Variants in ZNF41 observed in about 807,000 individuals in gnomAD.
The protein encoded by ZNF41 is zinc finger protein 41.
Under a neutral mutation model 9.3 loss-of-function variants are expected in ZNF41, and 6 were observed. The ratio of observed to expected loss-of-function variants is 0.65; its 90% CI spans 0.35 to 1.28. ZNF41 has a LOEUF of 1.28. ZNF41 is among the 50% of genes most tolerant of loss of function. The probability of loss-of-function intolerance (pLI) is 0.03; values close to 1 mark genes in which losing one functional copy is unlikely to be tolerated. For synonymous variants in ZNF41, 192 were observed against 207.1 expected, an observed-to-expected ratio of 0.93 and a Z score of 0.63; for missense variants, 523 against 585.8, an observed-to-expected ratio of 0.89 and a Z score of 1.11.
intron 4 of ZNF41, among the ~76,000 whole-genome samples, chrX:47,455,656 A>G (rs892517459): frequency 1.8e-5 from 2 of 112,014 alleles, no homozygotes; most frequent in African/African-American, 6.5e-5. Context: ...TAGATAAGAC[A>G]GGGTGGTATG....
chrX:47,455,215 A>G (rs965671668), intron 4 of ZNF41, among the ~76,000 whole-genome samples: 3 of 109,118 alleles, frequency 2.7e-5, no homozygotes, highest in Admixed American at 9.9e-5. Flanking sequence ...ATTGCACTCC[A>G]GCCTGGGCAA....
chrX:47,452,115 C>T (rs1296129397), intron 4 of ZNF41, among the ~76,000 whole-genome samples: 1 of 111,095 alleles, frequency 9.0e-6, no homozygotes, highest in African/African-American at 3.3e-5. Flanking sequence ...CCAGCAGGGG[C>T]AGGCTGTCTA....
intron 1 of ZNF41, among the ~76,000 whole-genome samples, chrX:47,478,876 G>A (rs1426342738): frequency 1.8e-5 from 2 of 110,918 alleles, no homozygotes; most frequent in Non-Finnish European, 3.8e-5. Flanking sequence ...GGCAGCTGCA[G>A]TGAACTGAGA....
chrX:47,481,167 C>T (rs187551245), intron 1 of ZNF41, among the ~76,000 whole-genome samples: 6 of 111,914 alleles, frequency 5.4e-5, no homozygotes, highest in East Asian at 2.8e-4. Context: ...CAGATGCTCA[C>T]GCCTGTAGTT....
intron 2 of ZNF41, among the ~76,000 whole-genome samples, chrX:47,462,610 C>G (rs1224912503): frequency 9.0e-6 from 1 of 111,163 alleles, no homozygotes; most frequent in Non-Finnish European, 1.9e-5. Context: ...TCCCTAAGGG[C>G]CTTTCTTGTT....
At chrX:47,462,890 G>A (rs984348335) in intron 2 of ZNF41, among the ~76,000 whole-genome samples, 1 of 101,101 alleles carries the variant, frequency 9.9e-6, no homozygotes, top group African/African-American at 3.7e-5. Context: ...CACCCTACCC[G>A]GCTGATTTTT....
At chrX:47,464,961 CT>C (rs1454768380) in intron 2 of ZNF41, among the ~76,000 whole-genome samples, 1 of 111,601 alleles carries the variant, frequency 9.0e-6, no homozygotes, top group East Asian at 2.8e-4. Flanking sequence ...TCTCGGCTCA[CT>C]GTAGCCTCAA....
At chrX:47,475,508 A>C (rs1450508804) in intron 1 of ZNF41, among the ~76,000 whole-genome samples, 1 of 112,168 alleles carries the variant, frequency 8.9e-6, no homozygotes, top group African/African-American at 3.2e-5. Context: ...AATAACTGGC[A>C]TAACCTTAAT....
chrX:47,447,199 T>C lies in ZNF41; in HGVS notation c.*231A>G. The C allele has an allele frequency of 4.7e-6, 2 of 425,254 alleles. No homozygotes were observed. The highest frequency in any genetic ancestry group is 8.1e-6 in the Non-Finnish European group (2 of 245,500). 35.0% of individuals were successfully genotyped at this position (425,254 alleles called of 1,213,427 possible). ...CAAACATGACTTTCGCTCAAATGCT[T>C]TCTCTAAAGGCTCTTCCTATGCATA... On this transcript the variant is annotated 3_prime_UTR_variant, in exon 5 of 5. Transcript: ENST00000684689.
chrX:47,478,048 G>C (rs1196544653), intron 1 of ZNF41, among the ~76,000 whole-genome samples: 1 of 112,213 alleles, frequency 8.9e-6, no homozygotes, highest in African/African-American at 3.2e-5. Flanking sequence ...AAAATAAACT[G>C]ATAGAAACAG....
chrX:47,454,770 GA>G (rs897693378), intron 4 of ZNF41, among the ~76,000 whole-genome samples: 1 of 107,086 alleles, frequency 9.3e-6, no homozygotes, highest in Admixed American at 1.0e-4. Context: ...AGGAATGAGT[GA>G]AAAAAAAAGG....
Position 47,446,877 on chromosome X carries a change from T to C in ZNF41, c.*553A>G, listed in dbSNP as rs1291288466. On this transcript the variant is annotated 3_prime_UTR_variant, in exon 5 of 5. Transcript: ENST00000684689. The stretch of plus-strand genomic sequence containing the variant: ...GTTTTTCATGGAAATCTTTTCTATG[T>C]CTTAAGTGCCAATGATCACAAAAAC... The C allele has an allele frequency of 8.9e-6, 1 of 112,926 alleles. No homozygotes were observed. The highest frequency in any genetic ancestry group is 1.9e-5 in the Non-Finnish European group (1 of 54,052). The allele number at this position is 112,926 out of a possible 1,213,427, so 9.3% of individuals were successfully genotyped here.
chrX:47,448,934 C>T lies in ZNF41; in HGVS notation c.836G>A (p.Gly279Asp). Residue 279 changes from glycine to aspartate, a missense_variant, in exon 5 of 5, where the codon GGC (glycine) becomes GAC (aspartate). Transcript: ENST00000684689. ...KLYVCTECVM[G>D]FTQKSHLFEH... ...AAACAGATGTGACTTCTGAGTGAAG[C>T]CCATTACACATTCAGTACACACATA... 1 of 1,211,263 alleles carries T rather than the reference C, an allele frequency of 8.3e-7. No individual in the cohort carries two copies. The highest frequency in any genetic ancestry group is 1.7e-5 in the African/African-American group (1 of 57,688).
At chrX:47,473,957 A>C (rs1001984332) in intron 1 of ZNF41, among the ~76,000 whole-genome samples, 1 of 112,102 alleles carries the variant, frequency 8.9e-6, no homozygotes, top group African/African-American at 3.2e-5. Flanking sequence ...TGTATACAAA[A>C]ACCTGTACAA....
At chrX:47,450,890 G>A (rs1012282719) in intron 4 of ZNF41, among the ~76,000 whole-genome samples, 1 of 111,933 alleles carries the variant, frequency 8.9e-6, no homozygotes, top group Admixed American at 9.5e-5. Context: ...CAGGATTAGA[G>A]TTGACTTGTT....
At chrX:47,464,476 G>A (rs990076698) in intron 2 of ZNF41, among the ~76,000 whole-genome samples, 1 of 111,097 alleles carries the variant, frequency 9.0e-6, no homozygotes, top group Non-Finnish European at 1.9e-5. Flanking sequence ...TGGTTCCTAG[G>A]TATCTCTGCC....
chrX:47,478,384 A>G lies in ZNF41; in HGVS notation c.-280+4711T>C, dbSNP rs768912437. ...TAGCCAGGTGTGGTGGCACGCACCT[A>G]TAGTCCCAGCTACGTGGGAGGCTGA... On this transcript the variant is annotated intron_variant, in intron 1 of 4. Transcript: ENST00000684689. 6.3e-3 allele frequency among the ~76,000 whole-genome samples: 699 copies of G among 110,621 alleles called. 7 individuals are homozygous for G. Among genetic ancestry groups the G allele is most frequent in the African/African-American group, 0.022 (664 of 30,411 alleles).
At chrX:47,481,352 ACTTGAGC>A (rs2057467639) in intron 1 of ZNF41, among the ~76,000 whole-genome samples, 1 of 111,744 alleles carries the variant, frequency 8.9e-6, no homozygotes, top group Non-Finnish European at 1.9e-5. Flanking sequence ...TGGGAGGGTC[ACTTGAGC>A]CTAGGAGGTT....
At chrX:47,480,097 C>CA (rs1169386378) in intron 1 of ZNF41, among the ~76,000 whole-genome samples, 25 of 100,154 alleles carry the variant, frequency 2.5e-4, no homozygotes, top group East Asian at 1.8e-3. Context: ...GACTCCATCT[C>CA]AAAAAAAAAA....
Sources: allele counts gnomAD v4.1 joint callset (sites outside exome capture counted in the v4.1 genomes callset), GRCh38; gene constraint gnomAD v4.1.1; transcripts MANE v1.5; gene names NCBI Gene and HGNC (gene_info 2026-07-23, HGNC 2026-07-21).